HNRNPA1L2: variants seen among roughly 807,000 people sequenced by gnomAD.
HNRNPA1L2 encodes the protein heterogeneous nuclear ribonucleoprotein A1 like 2.
In HNRNPA1L2, 10 loss-of-function variants were observed where a neutral mutation model predicts 18.2. The ratio of observed to expected loss-of-function variants is 0.55; its 90% CI spans 0.34 to 0.93. HNRNPA1L2 has a LOEUF of 0.93. Ranked by LOEUF, HNRNPA1L2 falls within the 40% of genes least tolerant of loss-of-function variation. The pLI, the probability that HNRNPA1L2 is intolerant of heterozygous loss-of-function variation, is 0.02. For missense variants in HNRNPA1L2, 308 were observed against 394.4 expected, an observed-to-expected ratio of 0.78 and a Z score of 1.85; for synonymous variants, 124 against 138.6, an observed-to-expected ratio of 0.89 and a Z score of 0.74.
At chr13:52,631,568 G>A in the HNRNPA1L2 span, among the ~76,000 whole-genome samples, 1 of 152,252 alleles carries the variant, frequency 6.6e-6, no homozygotes. Context: ...CAAATAACTT[G>A]GGAACCTGCT....
At chr13:52,634,360 A>C in the HNRNPA1L2 span, among the ~76,000 whole-genome samples, 5 of 152,210 alleles carry the variant, frequency 3.3e-5, no homozygotes, top group Non-Finnish European at 7.3e-5. Flanking sequence ...TCTAAAACTG[A>C]AATTAGTTGG....
Position 52,642,769 on chromosome 13 carries a change from G to A in HNRNPA1L2, c.277G>A (p.Glu93Lys). 1.3e-6 allele frequency: 2 copies of A among 1,598,260 alleles called. No individual in the cohort carries two copies. Among genetic ancestry groups the A allele is most frequent in the South Asian group, 2.2e-5 (2 of 90,992 alleles). ...VVEPKRAVSR[E>K]DSQRPGAHLT... ...GGAACCAAAGAGAGCTGTCTCCAGA[G>A]AAGATTCTCAAAGACCAGGTGCCCA... Residue 93 changes from glutamate to lysine, a missense_variant, in exon 1 of 1, where the codon GAA (glutamate) becomes AAA (lysine). Coordinates refer to ENST00000357495, the MANE Select transcript of HNRNPA1L2 (RefSeq NM_001389320.1).
the HNRNPA1L2 span, among the ~76,000 whole-genome samples, chr13:52,624,591 C>T: frequency 9.0e-3 from 1,377 of 152,232 alleles, 26 homozygotes; most frequent in African/African-American, 0.03. Context: ...CCTCTGTATG[C>T]GTAGGTTCTG....
chr13:52,623,876 A>C, the HNRNPA1L2 span, among the ~76,000 whole-genome samples: 2 of 152,188 alleles, frequency 1.3e-5, no homozygotes, highest in Non-Finnish European at 2.9e-5. Context: ...TCTGTGCTCT[A>C]TGATGTCTGG....
chr13:52,619,919 CAAAA>C, the HNRNPA1L2 span, among the ~76,000 whole-genome samples: 33 of 69,144 alleles, frequency 4.8e-4, no homozygotes, highest in South Asian at 1.3e-3. Flanking sequence ...GATTCCGTCT[CAAAA>C]AAAAAAAAAA....
chr13:52,626,179 G>GGAGCTTTAATTT, the HNRNPA1L2 span, among the ~76,000 whole-genome samples: 1 of 151,900 alleles, frequency 6.6e-6, no homozygotes, highest in African/African-American at 2.4e-5. Context: ...AAGAACTTTA[G>GGAGCTTTAATTT]GAATTTGGGA....
chr13:52,628,909 CTT>C, the HNRNPA1L2 span, among the ~76,000 whole-genome samples: 1 of 152,100 alleles, frequency 6.6e-6, no homozygotes, highest in Non-Finnish European at 1.5e-5. Context: ...AAGTTTCACT[CTT>C]GTCTCCTCGG....
the HNRNPA1L2 span, among the ~76,000 whole-genome samples, chr13:52,629,599 C>T: frequency 3.9e-5 from 6 of 152,094 alleles, no homozygotes; most frequent in Non-Finnish European, 7.4e-5. Context: ...TCATATCTAC[C>T]CATGATGAAT....
At chr13:52,617,747 T>C in the HNRNPA1L2 span, 1 of 423,938 alleles carries the variant, frequency 2.4e-6, no homozygotes, top group Non-Finnish European at 4.3e-6. Flanking sequence ...GTGCTGTACA[T>C]TCAGTTATCC....
At chr13:52,620,675 C>G in the HNRNPA1L2 span, among the ~76,000 whole-genome samples, 1 of 152,062 alleles carries the variant, frequency 6.6e-6, no homozygotes, top group Non-Finnish European at 1.5e-5. Flanking sequence ...TTAGGGAAGC[C>G]TAGGTGGGTG....
At chr13:52,630,442 T>G in the HNRNPA1L2 span, among the ~76,000 whole-genome samples, 1 of 151,912 alleles carries the variant, frequency 6.6e-6, no homozygotes, top group Non-Finnish European at 1.5e-5. Flanking sequence ...GCCCAGCTCA[T>G]TTTTGTATTT....
At chr13:52,628,267 A>ACCC in the HNRNPA1L2 span, among the ~76,000 whole-genome samples, 2 of 152,046 alleles carry the variant, frequency 1.3e-5, no homozygotes, top group Non-Finnish European at 2.9e-5. Flanking sequence ...GCAAAACAAG[A>ACCC]CCCCATCTTT....
the HNRNPA1L2 span, among the ~76,000 whole-genome samples, chr13:52,634,511 G>GT: frequency 6.6e-6 from 1 of 152,122 alleles, no homozygotes; most frequent in Non-Finnish European, 1.5e-5. Flanking sequence ...TCTAAAGAAT[G>GT]TTTTTTGTTT....
At chr13:52,629,783 A>G in the HNRNPA1L2 span, among the ~76,000 whole-genome samples, 8 of 152,166 alleles carry the variant, frequency 5.3e-5, no homozygotes, top group African/African-American at 1.4e-4. Flanking sequence ...ATGACCCACC[A>G]TCAACGAAAA....
At chr13:52,621,916 T>G in the HNRNPA1L2 span, 69 of 152,658 alleles carry the variant, frequency 4.5e-4, no homozygotes, top group African/African-American at 1.6e-3. Flanking sequence ...GAAAAAAAAT[T>G]TAGATACACG....
At chr13:52,630,769 T>C in the HNRNPA1L2 span, among the ~76,000 whole-genome samples, 1 of 152,200 alleles carries the variant, frequency 6.6e-6, no homozygotes, top group African/African-American at 2.4e-5. Flanking sequence ...GACTTTGGAA[T>C]ATTATTTGAA....
At chr13:52,623,623 G>A in the HNRNPA1L2 span, among the ~76,000 whole-genome samples, 14 of 152,182 alleles carry the variant, frequency 9.2e-5, no homozygotes, top group East Asian at 5.8e-4. Context: ...TCCCCTCCCC[G>A]CTTTTCAAGG....
chr13:52,619,614 G>A, the HNRNPA1L2 span, among the ~76,000 whole-genome samples: 1 of 150,508 alleles, frequency 6.6e-6, no homozygotes. Context: ...CACCTGACCA[G>A]TGTTAACTTT....
chr13:52,632,035 A>G, the HNRNPA1L2 span, among the ~76,000 whole-genome samples: 1 of 152,134 alleles, frequency 6.6e-6, no homozygotes, highest in Non-Finnish European at 1.5e-5. Flanking sequence ...GTAATTAAAC[A>G]TTGCAGTGTT....
Sources: gnomAD v4.1 joint callset for allele counts (sites outside exome capture counted in the v4.1 genomes callset) on GRCh38, gnomAD v4.1.1 for gene constraint, MANE v1.5 for transcripts, NCBI Gene and HGNC (gene_info 2026-07-23, HGNC 2026-07-21) for gene names.